Variants in MFHAS1 observed in about 807,000 individuals in gnomAD.
The protein encoded by MFHAS1 is malignant fibrous histiocytoma-amplified sequence 1.
A neutral mutation model predicts 70.4 loss-of-function variants in MFHAS1; 50 were observed. That is an observed-to-expected ratio of 0.71 (90% confidence interval 0.57 to 0.90). The LOEUF (loss-of-function observed/expected upper bound fraction) is 0.90, where lower values mean the gene tolerates loss of function less well. Among genes scored for constraint, MFHAS1 ranks in the 40% least tolerant of loss-of-function variants. MFHAS1 has a pLI of 0.00. For missense variants in MFHAS1, 1,795 were observed against 1,347.6 expected (o/e 1.33, Z -5.20); for synonymous variants, 952 against 620.0 (o/e 1.54, Z -7.96).
chr8:8,799,137 C>T (rs7831224), intron 1 of MFHAS1, among the ~76,000 whole-genome samples: 29,144 of 151,848 alleles, frequency 0.19, 2,912 homozygotes, highest in South Asian at 0.23. Flanking sequence ...CGTTCCAAGA[C>T]CCCAGCGGAT....
rs113113438 is a variant in MFHAS1 at position 8,803,184 on chromosome 8, T to G, written c.2999-5693A>C. Among the ~76,000 whole-genome samples the G allele has an allele frequency of 4.7e-3, 711 of 152,260 alleles. 4 individuals carry two copies. The highest frequency in any genetic ancestry group is 0.016 in the African/African-American group (645 of 41,540). ...TATCAGTGAGTTTTGCATCCACGGA[T>G]TCAACCAACTGCAGGTCGAAAAAAT... On this transcript the variant is annotated intron_variant, in intron 1 of 2. Coordinates refer to ENST00000276282, the MANE Select transcript of MFHAS1 (RefSeq NM_004225.3).
At chr8:8,831,396 C>T (rs1034065472) in intron 1 of MFHAS1, among the ~76,000 whole-genome samples, 1 of 151,976 alleles carries the variant, frequency 6.6e-6, no homozygotes, top group African/African-American at 2.4e-5. Context: ...TCGAATAAAT[C>T]CAACTTAAAA....
chr8:8,847,137 C>G (rs1233980632), intron 1 of MFHAS1, among the ~76,000 whole-genome samples: 9 of 152,164 alleles, frequency 5.9e-5, no homozygotes, highest in African/African-American at 2.2e-4. Context: ...GGCAGGAAGA[C>G]TGGAGACACA....
At chr8:8,851,616 T>C (rs1355664733) in intron 1 of MFHAS1, among the ~76,000 whole-genome samples, 5 of 152,236 alleles carry the variant, frequency 3.3e-5, no homozygotes, top group African/African-American at 1.2e-4. Context: ...TTTACAGTTC[T>C]TATCTACTGT....
rs150685283 is a variant in MFHAS1, at chr8:8,883,569, G to A, written c.2998+6492C>T. 9.4e-4 allele frequency among the ~76,000 whole-genome samples: 142 copies of A among 151,692 alleles called. 2 individuals are homozygous for A. The East Asian group carries it at 0.025, about 26-fold the overall frequency. Reference sequence around the variant, plus strand: ...CTAAAATTACAAAAATTAGCTGGGCGTGGTGGTGCATGCCTGTAATCCCAG... The same window carrying A: ...CTAAAATTACAAAAATTAGCTGGGCATGGTGGTGCATGCCTGTAATCCCAG... On this transcript the variant is annotated intron_variant, in intron 1 of 2. Transcript: ENST00000276282.
At chr8:8,874,443 T>C (rs1178324530) in intron 1 of MFHAS1, among the ~76,000 whole-genome samples, 1 of 151,948 alleles carries the variant, frequency 6.6e-6, no homozygotes, top group Non-Finnish European at 1.5e-5. Flanking sequence ...TTTGAAGTGA[T>C]CAAATGCGAG....
At chr8:8,845,743 T>A (rs1222628384) in intron 1 of MFHAS1, among the ~76,000 whole-genome samples, 1 of 152,146 alleles carries the variant, frequency 6.6e-6, no homozygotes, top group South Asian at 2.1e-4. Context: ...GAGACAATAA[T>A]AGCTTTTCAT....
chr8:8,806,802 C>A (rs7015271), intron 1 of MFHAS1, among the ~76,000 whole-genome samples: 119,888 of 151,886 alleles, frequency 0.79, 47,415 homozygotes, highest in East Asian at 0.9. Flanking sequence ...CTCTACTAAA[C>A]ATACAAAAAT....
intron 2 of MFHAS1, among the ~76,000 whole-genome samples, chr8:8,793,522 C>T (rs1027485232): frequency 6.6e-6 from 1 of 152,328 alleles, no homozygotes; most frequent in South Asian, 2.1e-4. Context: ...TTATTCTGGT[C>T]TACCTGGGAG....
At position 8,783,707 on chromosome 8, in the gene MFHAS1, A is replaced by C. The variant is rs763587290; in HGVS notation, c.*2315T>G. On this transcript the variant is annotated 3_prime_UTR_variant, in exon 3 of 3. Coordinates refer to ENST00000276282, the MANE Select transcript of MFHAS1 (RefSeq NM_004225.3). ...TTGAGAGGCAAGGGACGCCTTGCTT[A>C]GAAAACATTCCTCTTGTGCTTAGTG... 1.3e-5 allele frequency: 2 copies of C among 152,228 alleles called. No individual in the cohort carries two copies. Among genetic ancestry groups the C allele is most frequent in the African/African-American group, 2.4e-5 (1 of 41,452 alleles). The allele number at this position is 152,228 out of a possible 1,614,324, so 9.4% of individuals were successfully genotyped here.
chr8:8,811,221 G>A (rs1456665553), intron 1 of MFHAS1, among the ~76,000 whole-genome samples: 1 of 152,000 alleles, frequency 6.6e-6, no homozygotes, highest in Non-Finnish European at 1.5e-5. Flanking sequence ...TATGATGACG[G>A]GAAAAGCACT....
At chr8:8,871,230 G>A (rs1809064152) in intron 1 of MFHAS1, among the ~76,000 whole-genome samples, 1 of 152,224 alleles carries the variant, frequency 6.6e-6, no homozygotes, top group East Asian at 1.9e-4. Context: ...CAGAGCTAAT[G>A]TTTACTGAGC....
intron 1 of MFHAS1, among the ~76,000 whole-genome samples, chr8:8,806,511 G>C (rs1461888194): frequency 6.6e-6 from 1 of 152,182 alleles, no homozygotes; most frequent in Non-Finnish European, 1.5e-5. Flanking sequence ...CAATAGCAAA[G>C]TAAAATATTG....
At chr8:8,798,485 C>G (rs940305756) in intron 1 of MFHAS1, among the ~76,000 whole-genome samples, 2 of 152,162 alleles carry the variant, frequency 1.3e-5, no homozygotes, top group African/African-American at 4.8e-5. Context: ...AGCACCACAT[C>G]TGGCTAAATG....
chr8:8,803,717 A>T (rs1806166634), intron 1 of MFHAS1, among the ~76,000 whole-genome samples: 3 of 151,990 alleles, frequency 2.0e-5, no homozygotes, highest in Non-Finnish European at 4.4e-5. Flanking sequence ...CACACCTGTA[A>T]TCCCAGCACT....
At chr8:8,799,966 G>A (rs1806030156) in intron 1 of MFHAS1, among the ~76,000 whole-genome samples, 1 of 152,186 alleles carries the variant, frequency 6.6e-6, no homozygotes. Flanking sequence ...CCCAGAGTCA[G>A]GAGCTAACCA....
At chr8:8,864,233 A>T (rs913692245) in intron 1 of MFHAS1, among the ~76,000 whole-genome samples, 7 of 152,234 alleles carry the variant, frequency 4.6e-5, no homozygotes, top group African/African-American at 1.7e-4. Flanking sequence ...TTCTGGTAAC[A>T]TAAACACAGA....
chr8:8,865,097 G>A (rs777958708), intron 1 of MFHAS1, among the ~76,000 whole-genome samples: 1 of 151,966 alleles, frequency 6.6e-6, no homozygotes, highest in African/African-American at 2.4e-5. Context: ...CCAACATGGT[G>A]AAACCCCATT....
intron 1 of MFHAS1, among the ~76,000 whole-genome samples, chr8:8,827,855 A>G (rs1040170039): frequency 1.3e-5 from 2 of 152,208 alleles, no homozygotes; most frequent in Non-Finnish European, 2.9e-5. Flanking sequence ...TTCGTCTAAT[A>G]ATTTTTATGA....
Sources: gnomAD v4.1 joint callset for allele counts (sites outside exome capture counted in the v4.1 genomes callset) on GRCh38, gnomAD v4.1.1 for gene constraint, MANE v1.5 for transcripts, NCBI Gene and HGNC (gene_info 2026-07-23, HGNC 2026-07-21) for gene names.